Variants in GALNTL6 observed in about 807,000 individuals in gnomAD.
GALNTL6 encodes polypeptide N-acetylgalactosaminyltransferase-like 6.
A neutral mutation model predicts 73.7 loss-of-function variants in GALNTL6; 46 were observed. That is an observed-to-expected ratio of 0.62 (90% CI 0.49 to 0.80). The LOEUF (loss-of-function observed/expected upper bound fraction) is 0.80. Among genes scored for constraint, GALNTL6 ranks in the 30% least tolerant of loss-of-function variants. GALNTL6 has a pLI of 0.00. For synonymous variants in GALNTL6, 259 were observed against 263.7 expected, an observed-to-expected ratio of 0.98 and a Z score of 0.17; for missense variants, 604 against 755.0, an observed-to-expected ratio of 0.80 and a Z score of 2.34.
chr4:172,288,970 G>T (rs1739365826), intron 3 of GALNTL6, among the ~76,000 whole-genome samples: 1 of 151,776 alleles, frequency 6.6e-6, no homozygotes, highest in African/African-American at 2.4e-5. Flanking sequence ...ATATAGCTTT[G>T]CATGTGACAT....
At chr4:171,923,755 T>C (rs924187733) in intron 2 of GALNTL6, among the ~76,000 whole-genome samples, 1 of 147,326 alleles carries the variant, frequency 6.8e-6, no homozygotes, top group Non-Finnish European at 1.5e-5. Flanking sequence ...ACTCTTCTCC[T>C]TTTAGCTACC....
Position 172,387,104 on chromosome 4 carries a change from C to G in GALNTL6, c.553+38415C>G, listed in dbSNP as rs564519375. ...TACTAATACCATCCTGAGGGCCCCA[C>G]CCTCATAATTTTATTACCTCCCAAA... On this transcript the variant is annotated intron_variant, in intron 5 of 12. Transcript: ENST00000506823. Among the ~76,000 whole-genome samples, 779 of 152,190 alleles carry G rather than the reference C, an allele frequency of 5.1e-3. 5 individuals are homozygous for G. Among genetic ancestry groups the G allele is most frequent in the Non-Finnish European group, 6.5e-3 (442 of 67,994 alleles).
chr4:171,837,542 GAA>G (rs34606699), intron 2 of GALNTL6, among the ~76,000 whole-genome samples: 19 of 146,246 alleles, frequency 1.3e-4, no homozygotes, highest in African/African-American at 3.8e-4. Context: ...AAATGGTTCA[GAA>G]AAAAAAATAT....
In GALNTL6 at chr4:173,009,297, G is replaced by C. The variant is rs770960440; in HGVS notation, c.1488+3G>C. 2 of 1,586,274 alleles carry C rather than the reference G, an allele frequency of 1.3e-6. No individual in the cohort carries two copies. The highest frequency in any genetic ancestry group is 1.7e-5 in the Admixed American group (1 of 59,966). ...AAAGAACATGGTCTCATGAACAGGT[G>C]AGTCACCTCCCAGAAGCCAGGGCAG... On this transcript the variant is annotated splice_donor_region_variant and intron_variant, in intron 11 of 12. Coordinates refer to ENST00000506823, the MANE Select transcript of GALNTL6 (RefSeq NM_001034845.3).
intron 5 of GALNTL6, among the ~76,000 whole-genome samples, chr4:172,418,354 T>A (rs1375736554): frequency 6.6e-6 from 1 of 152,198 alleles, no homozygotes; most frequent in Non-Finnish European, 1.5e-5. Flanking sequence ...TATAACTTGT[T>A]CTGACAGATG....
intron 2 of GALNTL6, among the ~76,000 whole-genome samples, chr4:172,095,520 T>C (rs1732327684): frequency 6.6e-6 from 1 of 152,120 alleles, no homozygotes; most frequent in African/African-American, 2.4e-5. Context: ...TTGTTATATA[T>C]TTGCGTGTGT....
chr4:172,187,009 A>G (rs974586711), intron 2 of GALNTL6, among the ~76,000 whole-genome samples: 2 of 152,146 alleles, frequency 1.3e-5, no homozygotes, highest in African/African-American at 4.8e-5. Context: ...AATATTCACT[A>G]GAATATGCAT....
At chr4:172,257,648 A>G (rs1215469257) in intron 3 of GALNTL6, among the ~76,000 whole-genome samples, 1 of 151,398 alleles carries the variant, frequency 6.6e-6, no homozygotes, top group Non-Finnish European at 1.5e-5. Context: ...CTTGAACTTA[A>G]TAGTGCTCAT....
intron 2 of GALNTL6, among the ~76,000 whole-genome samples, chr4:171,852,416 T>C: frequency 6.6e-6 from 1 of 152,104 alleles, no homozygotes; most frequent in East Asian, 1.9e-4. Context: ...TTGAAAACTA[T>C]ATATAGATGT....
intron 5 of GALNTL6, among the ~76,000 whole-genome samples, chr4:172,519,461 A>G (rs996979350): frequency 6.7e-6 from 1 of 150,280 alleles, no homozygotes; most frequent in Non-Finnish European, 1.5e-5. Flanking sequence ...GTGTCATCTC[A>G]CATGAAAATC....
intron 11 of GALNTL6, among the ~76,000 whole-genome samples, chr4:173,015,358 G>T (rs1458512200): frequency 6.6e-6 from 1 of 152,212 alleles, no homozygotes; most frequent in Non-Finnish European, 1.5e-5. Context: ...GGGCTCAGAA[G>T]AAGAAAGGAA....
intron 2 of GALNTL6, among the ~76,000 whole-genome samples, chr4:171,862,007 G>A (rs571603335): frequency 2.7e-4 from 41 of 152,124 alleles, no homozygotes; most frequent in African/African-American, 9.2e-4. Flanking sequence ...TTATATGGAA[G>A]GTGGTATTTC....
chr4:172,468,302 T>G (rs1477545640), intron 5 of GALNTL6, among the ~76,000 whole-genome samples: 2 of 152,214 alleles, frequency 1.3e-5, no homozygotes, highest in Non-Finnish European at 2.9e-5. Context: ...TCCCAACTTC[T>G]GTTTCTTTCC....
rs564133972 is a variant in GALNTL6, at chr4:171,818,243, A to C, written c.138+3525A>C. Among the ~76,000 whole-genome samples, 16 of 151,932 alleles carry C rather than the reference A, an allele frequency of 1.1e-4. No individual in the cohort carries two copies. The South Asian group carries it at 3.3e-3, about 31-fold the overall frequency. On this transcript the variant is annotated intron_variant, in intron 2 of 12. Transcript: ENST00000506823. ...TACATAGAATAATACTATATTTTAG[A>C]ACAAAACTACTATATCCAGTCTTAT...
chr4:172,287,363 A>T (rs1375421529), intron 3 of GALNTL6, among the ~76,000 whole-genome samples: 1 of 152,156 alleles, frequency 6.6e-6, no homozygotes, highest in Non-Finnish European at 1.5e-5. Flanking sequence ...CAGTGCATGG[A>T]CTTCAAAACT....
chr4:171,889,960 C>A (rs565432281), intron 2 of GALNTL6, among the ~76,000 whole-genome samples: 3 of 152,198 alleles, frequency 2.0e-5, no homozygotes, highest in Admixed American at 2.0e-4. Context: ...ATTTTGACAG[C>A]TAGCATATAG....
chr4:172,635,211 A>T (rs1739613413), intron 5 of GALNTL6, among the ~76,000 whole-genome samples: 1 of 152,172 alleles, frequency 6.6e-6, no homozygotes, highest in Non-Finnish European at 1.5e-5. Flanking sequence ...TGGATGTTTG[A>T]GTTAAGTATC....
At chr4:172,638,917 A>G (rs12645987) in intron 5 of GALNTL6, among the ~76,000 whole-genome samples, 86,248 of 151,892 alleles carry the variant, frequency 0.57, 26,845 homozygotes, top group East Asian at 0.93. Context: ...ATGTCCTTCA[A>G]TTGGGTTTGT....
At chr4:172,090,544 G>A (rs1732174054) in intron 2 of GALNTL6, among the ~76,000 whole-genome samples, 5 of 151,938 alleles carry the variant, frequency 3.3e-5, no homozygotes, top group Admixed American at 3.3e-4. Context: ...TTTTTGATGG[G>A]GTTGTTTTTT....
Sources: gnomAD v4.1 joint callset for allele counts (sites outside exome capture counted in the v4.1 genomes callset) on GRCh38, gnomAD v4.1.1 for gene constraint, MANE v1.5 for transcripts, NCBI Gene and HGNC (gene_info 2026-07-23, HGNC 2026-07-21) for gene names.